KNDC1: variants seen among roughly 807,000 people sequenced by gnomAD.
KNDC1 encodes kinase non-catalytic C-lobe domain containing 1, also known as kinase non-catalytic C-lobe domain-containing protein 1.
A neutral mutation model predicts 172.8 loss-of-function variants in KNDC1; 106 were observed. The ratio of observed to expected loss-of-function variants is 0.61; its 90% confidence interval spans 0.52 to 0.72. The LOEUF (loss-of-function observed/expected upper bound fraction) is 0.72. Ranked by LOEUF, KNDC1 falls within the 30% of genes least tolerant of loss-of-function variation. The pLI is 0.00. For missense variants in KNDC1, 2,325 were observed against 2,394.5 expected, an observed-to-expected ratio of 0.97 and a Z score of 0.61; for synonymous variants, 1,083 against 1,062.2, an observed-to-expected ratio of 1.02 and a Z score of -0.38.
rs763023177 is a variant in KNDC1, at chr10:133,218,919, G to A, written c.4766G>A (p.Ser1589Asn). Residue 1589 changes from serine (S) to asparagine (N), a missense_variant, in exon 27 of 30, where the codon AGC (serine) becomes AAC (asparagine). Ser to Asn is a conservative substitution (Grantham distance 46). Coordinates refer to ENST00000304613, the MANE Select transcript of KNDC1 (RefSeq NM_152643.8). ...TTCGCGACAGCCATGCAGATCCTGA[G>A]CGGGCTGGAGCACCTGGCCGTGAGG... ...RNFATAMQIL[S>N]GLEHLAVRQS... is the part of the protein sequence containing the mutation. 3 of 1,613,842 alleles carry A rather than the reference G, an allele frequency of 1.9e-6. No homozygotes were observed. The highest frequency in any genetic ancestry group is 1.1e-5 in the South Asian group (1 of 91,088).
intron 11 of KNDC1, 131 bp downstream of exon 11, chr10:133,197,266 T>G: frequency 1.4e-6 from 1 of 703,132 alleles, no homozygotes. Flanking sequence ...GAGCTGTGGG[T>G]GGGTGCATCT....
At chr10:133,214,578 C>T (rs142668753) in intron 26 of KNDC1, among the ~76,000 whole-genome samples, 1 of 152,338 alleles carries the variant, frequency 6.6e-6, no homozygotes, top group Non-Finnish European at 1.5e-5. Context: ...CCCCACTCCA[C>T]CCCAGGCCCC....
At chr10:133,205,919 G>T (rs1047640082) in intron 17 of KNDC1, among the ~76,000 whole-genome samples, 6 of 152,010 alleles carry the variant, frequency 3.9e-5, no homozygotes, top group Admixed American at 3.9e-4. Context: ...AATAAAAAAC[G>T]GCCAGGCGTG....
Position 133,184,002 on chromosome 10 carries a change from A to T in KNDC1, c.625+13A>T. ...GGAGCGCTGCAGGGTGAGTTCTTGA[A>T]CCCACACACGTGCATCCTCATGCAC... On this transcript the variant is annotated intron_variant, in intron 5 of 29. Transcript: ENST00000304613. 1 of 1,494,934 alleles carries T rather than the reference A, an allele frequency of 6.7e-7. No homozygotes were observed. The highest frequency in any genetic ancestry group is 9.1e-7 in the Non-Finnish European group (1 of 1,094,692). 92.6% of individuals were successfully genotyped at this position (1,494,934 alleles called of 1,614,324 possible).
intron 28 of KNDC1, 108 bp downstream of exon 28, chr10:133,219,198 T>C: frequency 5.1e-6 from 7 of 1,369,598 alleles, no homozygotes; most frequent in Non-Finnish European, 7.0e-6. Flanking sequence ...ACAGAGTGTG[T>C]GCAGGTGGCC....
At chr10:133,177,593 ACATGTGCATAATG>A (rs1459112265) in intron 3 of KNDC1, among the ~76,000 whole-genome samples, 2 of 151,302 alleles carry the variant, frequency 1.3e-5, no homozygotes, top group African/African-American at 2.4e-5. Context: ...TGTATCGGGC[ACATGTGCATAATG>A]CATGTGCATG....
At chr10:133,206,598 A>G in intron 17 of KNDC1, 87 bp from the exon 18 acceptor site, 2 of 1,074,346 alleles carry the variant, frequency 1.9e-6, no homozygotes, top group African/African-American at 3.1e-5. Context: ...AAGGCCAAGG[A>G]GGCCCCAGTG....
chr10:133,199,920 A>G (rs1465924277), intron 15 of KNDC1, among the ~76,000 whole-genome samples: 1 of 152,156 alleles, frequency 6.6e-6, no homozygotes, highest in Non-Finnish European at 1.5e-5. Context: ...CTCCCTGCTC[A>G]GAGGGACCAG....
chr10:133,169,372 A>G (rs1305718288), intron 3 of KNDC1, among the ~76,000 whole-genome samples: 2 of 152,214 alleles, frequency 1.3e-5, no homozygotes, highest in Non-Finnish European at 2.9e-5. Context: ...AGGCAGGAGG[A>G]TCTCTTGAAC....
At position 133,197,052 on chromosome 10, in the gene KNDC1, C is replaced by T. The variant is rs375468791; in HGVS notation, c.1735-6C>T. The T allele has an allele frequency of 8.1e-6, 13 of 1,612,018 alleles. No homozygotes were observed. The African/African-American group carries it at 1.6e-4, about 20-fold the overall frequency. On this transcript the variant is annotated splice_region_variant and splice_polypyrimidine_tract_variant and intron_variant, in intron 10 of 29. Transcript: ENST00000304613. ...TCGGGACGTGTGAACTGTCTCCTCC[C>T]TCCAGGTGTGCGGCAGCTACCTCCT...
intron 19 of KNDC1, 22 bp from the exon 20 acceptor site, chr10:133,207,115 C>A (rs764887823): frequency 6.4e-7 from 1 of 1,564,802 alleles, no homozygotes; most frequent in South Asian, 1.2e-5. Context: ...AGTGACCAAG[C>A]GCCCGTGTCC....
chr10:133,160,687 C>A (rs1191636314), intron 1 of KNDC1, 118 bp downstream of exon 1: 1 of 558,922 alleles, frequency 1.8e-6, no homozygotes, highest in South Asian at 2.4e-5. Context: ...CCCTCCATGG[C>A]CGAGGGGTTC....
chr10:133,163,661 C>T lies in KNDC1; in HGVS notation c.102+3092C>T, dbSNP rs550434367. ...AAGACAGTGTATTTCAAATGCGCCA[C>T]ACGATCTAGGCGTCCCTGTGTAACC... On this transcript the variant is annotated intron_variant, in intron 1 of 29. Transcript: ENST00000304613. This position sits in a 1 kb window ranked among gnomAD's most constrained non-coding sequence, Gnocchi z 4.4. Among the ~76,000 whole-genome samples, 257 of 152,272 alleles carry T rather than the reference C, an allele frequency of 1.7e-3. 1 individual carries two copies. The highest frequency in any genetic ancestry group is 6.1e-3 in the African/African-American group (252 of 41,546).
rs1845672220 is a variant in KNDC1, at chr10:133,224,113, G to A, written c.5019-546G>A. ...CTTTGTCCCTCACACTGGGCATGTG[G>A]TGTTTCCATCCAAAATCAGGACAGG... On this transcript the variant is annotated intron_variant, in intron 29 of 29. Coordinates refer to ENST00000304613, the MANE Select transcript of KNDC1 (RefSeq NM_152643.8). The surrounding 1 kb of genome is among the most constrained non-coding windows in gnomAD (Gnocchi z 5.4). Among the ~76,000 whole-genome samples the A allele has an allele frequency of 6.6e-6, 1 of 152,182 alleles. No homozygotes were observed. The highest frequency in any genetic ancestry group is 1.5e-5 in the Non-Finnish European group (1 of 68,036).
intron 1 of KNDC1, among the ~76,000 whole-genome samples, chr10:133,165,884 G>A (rs1381213657): frequency 3.3e-5 from 5 of 152,038 alleles, no homozygotes; most frequent in East Asian, 1.9e-4. Context: ...GGAGATTCCC[G>A]CCATAGAAAG....
chr10:133,211,693 C>T lies in KNDC1; in HGVS notation c.4071C>T (p.Asp1357=), dbSNP rs549232703. 1.6e-5 allele frequency: 26 copies of T among 1,599,104 alleles called. No homozygotes were observed. Among genetic ancestry groups the T allele is most frequent in the Admixed American group, 7.0e-5 (4 of 57,530 alleles). Residue 1357 remains aspartate (D), a synonymous_variant, in exon 23 of 30, where the codon GAC becomes GAT. Transcript: ENST00000304613. The part of the protein sequence containing the change: ...DFISSKILPL[D]GSAKHLLGLL... ...CTTCTGCCTAGATCCTACCCCTGGA[C>T]GGCTCTGCCAAGCACCTGCTGGGCC...
chr10:133,173,610 CACAA>C (rs1395829935), intron 3 of KNDC1, among the ~76,000 whole-genome samples: 1 of 152,128 alleles, frequency 6.6e-6, no homozygotes, highest in Admixed American at 6.5e-5. Flanking sequence ...ATGCAGATAT[CACAA>C]ACATACAACT....
At position 133,195,768 on chromosome 10, in the gene KNDC1, G is replaced by A. The variant is rs769380853; in HGVS notation, c.1681G>A (p.Asp561Asn). 8.8e-5 allele frequency: 141 copies of A among 1,605,960 alleles called. 1 individual carries two copies. The highest frequency in any genetic ancestry group is 1.1e-4 in the Non-Finnish European group (134 of 1,176,868). Reference sequence around the variant, plus strand: ...ACGCAGGCTCAAGACCCTCCTCCTGGACATGGCCAGGCGCAGTGCCCCGGA... The same window carrying A: ...ACGCAGGCTCAAGACCCTCCTCCTGAACATGGCCAGGCGCAGTGCCCCGGA... Reference protein sequence around the residue: ...LPRRLKTLLLDMARRSAPERP... With the variant: ...LPRRLKTLLLNMARRSAPERP... Residue 561 changes from aspartate (D) to asparagine (N), a missense_variant, in exon 10 of 30, where the codon GAC (aspartate) becomes AAC (asparagine). Transcript: ENST00000304613.
Position 133,197,245 on chromosome 10 carries a change from T to A in KNDC1, c.1812+110T>A, listed in dbSNP as rs1854219120. On this transcript the variant is annotated intron_variant, in intron 11 of 29. Coordinates refer to ENST00000304613, the MANE Select transcript of KNDC1 (RefSeq NM_152643.8). ...CCCGGCAGCCCCACACCCCGGTCTC[T>A]GTTGACCACCGAGCTGTGGGTGGGT... The A allele has an allele frequency of 4.9e-6, 4 of 819,470 alleles. 1 individual carries two copies. The highest frequency in any genetic ancestry group is 2.0e-5 in the Admixed American group (1 of 48,972). The allele number at this position is 819,470 out of a possible 1,614,324, so 50.8% of individuals were successfully genotyped here.
Sources: allele counts gnomAD v4.1 joint callset (sites outside exome capture counted in the v4.1 genomes callset), GRCh38; gene constraint gnomAD v4.1.1; non-coding constraint Gnocchi (gnomAD v3.1); transcripts MANE v1.5; gene names NCBI Gene and HGNC (gene_info 2026-07-23, HGNC 2026-07-21).